The following AKT1S1 variants were observed in gnomAD, a reference collection of about 807,000 sequenced individuals.
AKT1S1 encodes AKT1 substrate 1, also known as proline-rich AKT1 substrate 1.
AKT1S1 carries 17 observed loss-of-function variants against 21.2 expected under a neutral mutation model. The ratio of observed to expected loss-of-function variants is 0.80; its 90% CI spans 0.55 to 1.20. The LOEUF is 1.20. AKT1S1 is among the 50% of genes most tolerant of loss of function. AKT1S1 has a pLI of 0.00. For missense variants in AKT1S1, 366 were observed against 368.3 expected (o/e 0.99, Z 0.05); for synonymous variants, 181 against 165.6 (o/e 1.09, Z -0.72).
chr19:49,876,389 G>A lies in AKT1S1; in HGVS notation c.-8+848C>T, dbSNP rs563463189. On this transcript the variant is annotated intron_variant, in intron 1 of 4. Transcript: ENST00000344175. ...GATCCCAGGCGCTCTGGAACCGCAA[G>A]GTGAGACTGTCTACGATTTGCCTCA... 8.0e-6 allele frequency: 9 copies of A among 1,131,936 alleles called. No homozygotes were observed. In the South Asian group the frequency reaches 3.4e-4, roughly 43 times the overall value. The allele number at this position is 1,131,936 out of a possible 1,614,324, so 70.1% of individuals were successfully genotyped here. A position where few individuals can be genotyped will look rare whatever the true frequency, so the allele number is the denominator to read the frequency against.
Position 49,871,840 on chromosome 19 carries a change from G to A in AKT1S1, c.429C>T (p.Phe143=), listed in dbSNP as rs1192546897. ...CTGTACTCTCGGGGTCTGACTCACA[G>A]AAGGGGGGAAGGTCCTGGAGGGTGG... is the stretch of plus-strand genomic sequence containing the variant. ...EDATLQDLPP[F]CESDPESTDD... Residue 143 remains phenylalanine (F), a synonymous_variant, in exon 3 of 5, where the codon TTC becomes TTT. Coordinates refer to ENST00000344175, the MANE Select transcript of AKT1S1 (RefSeq NM_001098633.4). 21 of 1,611,472 alleles carry A rather than the reference G, an allele frequency of 1.3e-5. No homozygotes were observed. The highest frequency in any genetic ancestry group is 1.8e-5 in the Non-Finnish European group (21 of 1,179,276).
At position 49,873,155 on chromosome 19, in the gene AKT1S1, A is replaced by G. The variant is rs1437564076; in HGVS notation, c.141T>C (p.Ala47=). ...CCGCCAGGGCTCCTCGACCATGGGC[A>G]GCATAGGCACAGGGGCCCGGGCGGG... is the stretch of plus-strand genomic sequence containing the variant. ...PPPRPGPCAY[A]AHGRGALAEA... The change falls in exon 2 of 5, where the codon GCT becomes GCC. Residue 47 remains alanine, a synonymous_variant. Coordinates refer to ENST00000344175, the MANE Select transcript of AKT1S1 (RefSeq NM_001098633.4). This position sits in a 1 kb window ranked among gnomAD's most constrained non-coding sequence, Gnocchi z 6.9. The G allele has an allele frequency of 3.9e-6, 6 of 1,537,928 alleles. No homozygotes were observed. The highest frequency in any genetic ancestry group is 5.2e-6 in the Non-Finnish European group (6 of 1,147,874).
At chr19:49,877,702 A>C, upstream of AKT1S1, 1 of 1,600,330 alleles carries the variant, frequency 6.2e-7, no homozygotes, top group Non-Finnish European at 8.5e-7. Context: ...GAGGCGGGGC[A>C]GTGGGGCCTT....
chr19:49,878,074 G>A, upstream of AKT1S1: 1 of 1,315,556 alleles, frequency 7.6e-7, no homozygotes, highest in East Asian at 2.5e-5. Context: ...CCCTGGGCCC[G>A]TCCCTATTGG....
upstream of AKT1S1, chr19:49,877,514 C>A (rs1030979124): frequency 1.6e-5 from 9 of 559,016 alleles, no homozygotes; most frequent in Non-Finnish European, 2.5e-5. Flanking sequence ...GCCGGATCCA[C>A]CTTCAGCGTC....
At chr19:49,874,230 G>A (rs1169086827) in intron 1 of AKT1S1, 4 of 152,366 alleles carry the variant, frequency 2.6e-5, no homozygotes, top group African/African-American at 4.8e-5. Context: ...TGCTCCATAG[G>A]GGGTCCCACA....
intron 1 of AKT1S1, chr19:49,876,294 G>T (rs1411359431): frequency 5.1e-6 from 6 of 1,187,844 alleles, no homozygotes; most frequent in Non-Finnish European, 6.3e-6. Context: ...CCTTTGGACG[G>T]GTGAGGGGCG....
Position 49,869,688 on chromosome 19 carries a change from G to T in AKT1S1, c.*229C>A, listed in dbSNP as rs1205582684. 1.1e-5 allele frequency: 5 copies of T among 445,438 alleles called. No individual in the cohort carries two copies. Among genetic ancestry groups the T allele is most frequent in the African/African-American group, 2.0e-5 (1 of 48,892 alleles). The allele number at this position is 445,438 out of a possible 1,614,324, so 27.6% of individuals were successfully genotyped here. A position where few individuals can be genotyped will look rare whatever the true frequency, so the allele number is the denominator to read the frequency against. ...TAATAGAAGGAATCTGTCGCTAGGC[G>T]GAGAGAGACGACAGACCCAATCGGG... On this transcript the variant is annotated 3_prime_UTR_variant, in exon 5 of 5. Coordinates refer to ENST00000344175, the MANE Select transcript of AKT1S1 (RefSeq NM_001098633.4).
intron 2 of AKT1S1, 34 bp from the exon 3 acceptor site, chr19:49,871,923 G>A: frequency 6.2e-7 from 1 of 1,604,110 alleles, no homozygotes. Flanking sequence ...CCCAGGCCAG[G>A]CAGCACCTAG....
intron 1 of AKT1S1, chr19:49,876,773 T>C (rs1443836412): frequency 8.2e-6 from 10 of 1,221,314 alleles, no homozygotes; most frequent in East Asian, 3.1e-5. Flanking sequence ...TCCGAACCAG[T>C]TGACAAGGGT....
intron 4 of AKT1S1, 118 bp downstream of exon 4, chr19:49,871,428 AG>A (rs1234101233): frequency 5.9e-6 from 8 of 1,362,540 alleles, no homozygotes; most frequent in East Asian, 4.6e-5. Context: ...CTTGAGGTTG[AG>A]GGGAGGATTC....
chr19:49,869,307 GT>G lies in AKT1S1; in HGVS notation c.*609del, dbSNP rs914088758. 6.5e-6 allele frequency: 1 copy of G among 152,844 alleles called. No individual in the cohort carries two copies. The highest frequency in any genetic ancestry group is 1.5e-5 in the Non-Finnish European group (1 of 68,102). The allele number at this position is 152,844 out of a possible 1,614,324, so 9.5% of individuals were successfully genotyped here. On this transcript the variant is annotated 3_prime_UTR_variant, in exon 5 of 5. Coordinates refer to ENST00000344175, the MANE Select transcript of AKT1S1 (RefSeq NM_001098633.4). ...AAAGGGGGTGCCAGAGGCAGGGACA[GT>G]TTGGGGCCATCCCTGAGGGGGTCAG...
intron 2 of AKT1S1, among the ~76,000 whole-genome samples, chr19:49,872,570 G>A (rs1003526927): frequency 3.3e-5 from 5 of 152,086 alleles, no homozygotes; most frequent in Admixed American, 6.5e-5. Flanking sequence ...TTGTGGAAAC[G>A]ACTCTGGTTC....
At chr19:49,877,664 G>C, upstream of AKT1S1, 1 of 1,576,482 alleles carries the variant, frequency 6.3e-7, no homozygotes, top group Non-Finnish European at 8.6e-7. Flanking sequence ...TTCTCCGGAA[G>C]TGACAACACG....
chr19:49,878,006 C>T, upstream of AKT1S1: 1 of 801,148 alleles, frequency 1.2e-6, no homozygotes, highest in Non-Finnish European at 1.9e-6. Context: ...GGACCATTCT[C>T]CCCGCCTTGG....
intron 1 of AKT1S1, chr19:49,874,050 A>T (rs2074915246): frequency 1.3e-5 from 2 of 152,368 alleles, no homozygotes; most frequent in East Asian, 3.8e-4. Context: ...TGTTCTGGCC[A>T]TCCCCAGCTC....
Position 49,871,537 on chromosome 19 carries a change from T to A in AKT1S1, c.627+10A>T. Reference sequence around the variant, plus strand: ...GCTGCCCTCCCTACCTCCCCACATTTGCCCCTCACCGGCCCATTCTCCTCA... The same window carrying A: ...GCTGCCCTCCCTACCTCCCCACATTAGCCCCTCACCGGCCCATTCTCCTCA... On this transcript the variant is annotated intron_variant, in intron 4 of 4. Transcript: ENST00000344175. 6.2e-7 allele frequency: 1 copy of A among 1,613,796 alleles called. No homozygotes were observed. Among genetic ancestry groups the A allele is most frequent in the South Asian group, 1.1e-5 (1 of 91,082 alleles).
At chr19:49,877,830 C>G, upstream of AKT1S1, 1 of 1,464,366 alleles carries the variant, frequency 6.8e-7, no homozygotes, top group Non-Finnish European at 9.3e-7. Flanking sequence ...CCTTGGCTCT[C>G]GAGAATCCGG....
intron 2 of AKT1S1, 57 bp downstream of exon 2, chr19:49,872,860 C>T (rs1184236158): frequency 2.1e-5 from 32 of 1,546,716 alleles, no homozygotes; most frequent in Non-Finnish European, 2.7e-5. Flanking sequence ...CCCGACAAAG[C>T]CTCCTGCGGG....
Sources: allele counts gnomAD v4.1 joint callset (sites outside exome capture counted in the v4.1 genomes callset), GRCh38; gene constraint gnomAD v4.1.1; non-coding constraint Gnocchi (gnomAD v3.1); transcripts MANE v1.5; gene names NCBI Gene and HGNC (gene_info 2026-07-23, HGNC 2026-07-21).